The following PPP2R5B variants were observed in gnomAD, a reference collection of about 807,000 sequenced individuals.
PPP2R5B encodes serine/threonine-protein phosphatase 2A 56 kDa regulatory subunit beta isoform.
PPP2R5B carries 19 observed loss-of-function variants against 59.9 expected under a neutral mutation model. The ratio of observed to expected loss-of-function variants is 0.32; its 90% CI spans 0.22 to 0.47. The LOEUF (loss-of-function observed/expected upper bound fraction) is 0.47. PPP2R5B is among the 20% of genes least tolerant of loss of function. The pLI is 1.00. For synonymous variants in PPP2R5B, 286 were observed against 260.5 expected (o/e 1.10, Z -0.94); for missense variants, 441 against 640.2 (o/e 0.69, Z 3.36).
At chr11:64,921,208 T>G (rs934229126), upstream of PPP2R5B, among the ~76,000 whole-genome samples, 3 of 151,324 alleles carry the variant, frequency 2.0e-5, no homozygotes, top group African/African-American at 7.3e-5. Context: ...CACCTGCCTC[T>G]GCCTCCCAAA....
chr11:64,933,355 C>T, intron 13 of PPP2R5B, 109 bp downstream of exon 13: 1 of 928,052 alleles, frequency 1.1e-6, no homozygotes, highest in Admixed American at 2.0e-5. Flanking sequence ...TGATCAGATG[C>T]TGCAAGACTG....
In PPP2R5B at chr11:64,919,518, C is replaced by T. The variant is rs1157836247; in HGVS notation, c.-265+1878C>T. Among the ~76,000 whole-genome samples the T allele has an allele frequency of 5.3e-5, 8 of 151,696 alleles. 1 individual carries two copies. In the South Asian group the frequency reaches 6.3e-4, roughly 12 times the overall value. On this transcript the variant is annotated intron_variant, in intron 1 of 4. Transcript: ENST00000526559. ...CTTTGGGAGGCTGAGGCAGAAGGAT[C>T]GCTTGAGCCCAGGAGTTTGAGACCA...
chr11:64,926,303 TG>T (rs1035909392), intron 2 of PPP2R5B, among the ~76,000 whole-genome samples: 10 of 152,198 alleles, frequency 6.6e-5, no homozygotes, highest in African/African-American at 2.4e-4. Flanking sequence ...TCCCCAGCCT[TG>T]GGCCATAGGG....
At chr11:64,932,685 G>A in intron 11 of PPP2R5B, 80 bp from the exon 12 acceptor site, 4 of 1,546,934 alleles carry the variant, frequency 2.6e-6, no homozygotes. Flanking sequence ...CCTGGGCGTT[G>A]AGGTAGTGAT....
At chr11:64,923,310 C>A (rs572646006), upstream of PPP2R5B, among the ~76,000 whole-genome samples, 84 of 152,326 alleles carry the variant, frequency 5.5e-4, no homozygotes, top group Non-Finnish European at 1.1e-3. Flanking sequence ...CCTCTCTAGG[C>A]CTTGGGGTCC....
At chr11:64,928,522 A>G in intron 6 of PPP2R5B, 97 bp downstream of exon 6, 7 of 1,555,524 alleles carry the variant, frequency 4.5e-6, no homozygotes, top group Non-Finnish European at 6.1e-6. Flanking sequence ...CACACCTGTA[A>G]TCCCAGCACT....
chr11:64,932,669 A>G lies in PPP2R5B; in HGVS notation c.1117-96A>G. ...CCTGAAGGTGGGGTGTGTGAAGGTCAGGGGGCCTGGGCGTTGAGGTAGTGA... is the reference window on the plus strand; with the variant it reads ...CCTGAAGGTGGGGTGTGTGAAGGTCGGGGGGCCTGGGCGTTGAGGTAGTGA... On this transcript the variant is annotated intron_variant, in intron 11 of 13. Coordinates refer to ENST00000164133, the MANE Select transcript of PPP2R5B (RefSeq NM_006244.4). 2.7e-6 allele frequency: 4 copies of G among 1,488,332 alleles called. No homozygotes were observed. In the South Asian group the frequency reaches 5.1e-5, roughly 19 times the overall value. The allele number at this position is 1,488,332 out of a possible 1,614,324, so 92.2% of individuals were successfully genotyped here. A position where few individuals can be genotyped will look rare whatever the true frequency, so the allele number is the denominator to read the frequency against.
rs1238718237 is a variant in PPP2R5B, at chr11:64,925,235, C to T, written c.-265+207C>T. Among the ~76,000 whole-genome samples, 1 of 151,982 alleles carries T rather than the reference C, an allele frequency of 6.6e-6. No homozygotes were observed. The highest frequency in any genetic ancestry group is 1.5e-5 in the Non-Finnish European group (1 of 67,966). On this transcript the variant is annotated intron_variant, in intron 1 of 13. Coordinates refer to ENST00000164133, the MANE Select transcript of PPP2R5B (RefSeq NM_006244.4). The surrounding 1 kb of genome is among the most constrained non-coding windows in gnomAD (Gnocchi z 4.6). Reference sequence around the variant, plus strand: ...ATCGGGGCTCCATTCTGAGTCGGGGCTGGCTTGGGGGATAGGCCCTATTCT... The same window carrying T: ...ATCGGGGCTCCATTCTGAGTCGGGGTTGGCTTGGGGGATAGGCCCTATTCT...
chr11:64,933,165 A>G lies in PPP2R5B; in HGVS notation c.1265A>G (p.Tyr422Cys), dbSNP rs751918657. The G allele has an allele frequency of 5.6e-6, 9 of 1,612,500 alleles. No homozygotes were observed. The highest frequency in any genetic ancestry group is 7.6e-6 in the Non-Finnish European group (9 of 1,178,796). Reference sequence around the variant, plus strand: ...CCAAGAACCATCGTATCACTGATCTACAATGTGCTCAAGACCTTCATGGAG... The same window carrying G: ...CCAAGAACCATCGTATCACTGATCTGCAATGTGCTCAAGACCTTCATGGAG... ...HWNQTIVSLI[Y>C]NVLKTFMEMN... The change falls in exon 13 of 14, where the codon TAC becomes TGC. Residue 422 changes from tyrosine (Y) to cysteine (C), a missense_variant. Transcript: ENST00000164133.
At position 64,931,768 on chromosome 11, in the gene PPP2R5B, T is replaced by C; in HGVS notation, c.1016T>C (p.Met339Thr). 1 of 1,614,074 alleles carries C rather than the reference T, an allele frequency of 6.2e-7. No homozygotes were observed. The highest frequency in any genetic ancestry group is 8.5e-7 in the Non-Finnish European group (1 of 1,180,006). ...ACCCAGGTGATGTTTCTGGGGGAGA[T>C]GGAAGAGATTCTTGATGTCATCGAG... ...TQKEVMFLGE[M>T]EEILDVIEPS... The change falls in exon 11 of 14, where the codon ATG becomes ACG. Residue 339 changes from methionine (M) to threonine (T), a missense_variant. Physicochemically the swap from Met to Thr is moderately conservative, Grantham distance 81 (BLOSUM62 -1). Coordinates refer to ENST00000164133, the MANE Select transcript of PPP2R5B (RefSeq NM_006244.4). The surrounding 1 kb of genome is among the most constrained non-coding windows in gnomAD (Gnocchi z 5.0).
rs748256155 is a variant in PPP2R5B, at chr11:64,930,302, C to T, written c.723-20C>T. 6.2e-6 allele frequency: 10 copies of T among 1,613,722 alleles called. No homozygotes were observed. Among genetic ancestry groups the T allele is most frequent in the African/African-American group, 1.3e-5 (1 of 74,900 alleles). ...GCCTACCCTGCTTGCTTTGAGCCCA[C>T]CTGCGTTCTTCTCTTGCAGGTTCAT... On this transcript the variant is annotated intron_variant, in intron 6 of 13. Transcript: ENST00000164133.
upstream of PPP2R5B, among the ~76,000 whole-genome samples, chr11:64,920,705 C>A (rs888447700): frequency 6.7e-6 from 1 of 148,600 alleles, no homozygotes; most frequent in Non-Finnish European, 1.5e-5. Flanking sequence ...TCTCAGCTTG[C>A]TGCAACTTCT....
Position 64,930,319 on chromosome 11 carries a change from C to A in PPP2R5B, c.723-3C>A. On this transcript the variant is annotated splice_polypyrimidine_tract_variant and splice_region_variant and intron_variant, in intron 6 of 13. Coordinates refer to ENST00000164133, the MANE Select transcript of PPP2R5B (RefSeq NM_006244.4). ...TGAGCCCACCTGCGTTCTTCTCTTGCAGGTTCATCTATGAATTCGAGCACT... is the reference window on the plus strand; with the variant it reads ...TGAGCCCACCTGCGTTCTTCTCTTGAAGGTTCATCTATGAATTCGAGCACT... 6.2e-7 allele frequency: 1 copy of A among 1,614,016 alleles called. No homozygotes were observed. Among genetic ancestry groups the A allele is most frequent in the South Asian group, 1.1e-5 (1 of 91,080 alleles).
In PPP2R5B at chr11:64,926,868, G is replaced by T; in HGVS notation, c.356G>T (p.Gly119Val). Residue 119 changes from glycine to valine, a missense_variant, in exon 3 of 14, where the codon GGT (glycine) becomes GTT (valine). Transcript: ENST00000164133. Reference sequence around the variant, plus strand: ...GTGGAGTGTGTGGGGAGCACCCGGGGTGTCCTCATCGAGCCCGTCTACCCA... The same window carrying T: ...GTGGAGTGTGTGGGGAGCACCCGGGTTGTCCTCATCGAGCCCGTCTACCCA... ...ELVECVGSTR[G>V]VLIEPVYPDI... 6.2e-7 allele frequency: 1 copy of T among 1,614,186 alleles called. No homozygotes were observed. The highest frequency in any genetic ancestry group is 8.5e-7 in the Non-Finnish European group (1 of 1,180,026).
intron 2 of PPP2R5B, 140 bp downstream of exon 2, chr11:64,926,073 C>T (rs1945160984): frequency 1.2e-6 from 1 of 861,478 alleles, no homozygotes; most frequent in Non-Finnish European, 1.8e-6. Flanking sequence ...GCCATCAGAA[C>T]TGACCCCAGC....
upstream of PPP2R5B, among the ~76,000 whole-genome samples, chr11:64,921,310 T>G (rs1365593420): frequency 8.5e-6 from 1 of 117,758 alleles, no homozygotes; most frequent in African/African-American, 3.1e-5. Flanking sequence ...TTTAGGGGCT[T>G]CTTCTACTGG....
At chr11:64,930,880 AT>A (rs1426356163) in intron 8 of PPP2R5B, among the ~76,000 whole-genome samples, 23 of 148,010 alleles carry the variant, frequency 1.6e-4, no homozygotes, top group South Asian at 1.1e-3. Context: ...TTGATACACA[AT>A]TTTTTTTTTT....
In PPP2R5B at chr11:64,934,293, C is replaced by T; in HGVS notation, c.*449C>T. The T allele has an allele frequency of 4.0e-6, 1 of 252,170 alleles. No individual in the cohort carries two copies. The highest frequency in any genetic ancestry group is 7.6e-6 in the Non-Finnish European group (1 of 130,732). 15.6% of individuals were successfully genotyped at this position (252,170 alleles called of 1,614,324 possible). ...CTCTACACAGACACTGTCCTGGGTGCACACTCCTCCCTTCCCTCGCTGTGT... is the reference window on the plus strand; with the variant it reads ...CTCTACACAGACACTGTCCTGGGTGTACACTCCTCCCTTCCCTCGCTGTGT... On this transcript the variant is annotated 3_prime_UTR_variant, in exon 14 of 14. Coordinates refer to ENST00000164133, the MANE Select transcript of PPP2R5B (RefSeq NM_006244.4).
At chr11:64,923,505 GTGCCGGAGTCC>G (rs2136675206), upstream of PPP2R5B, among the ~76,000 whole-genome samples, 1 of 152,336 alleles carries the variant, frequency 6.6e-6, no homozygotes, top group South Asian at 2.1e-4. Context: ...TGGGTCTCCA[GTGCCGGAGTCC>G]TGGACCCCAG....
Sources: allele counts gnomAD v4.1 joint callset (sites outside exome capture counted in the v4.1 genomes callset), GRCh38; gene constraint gnomAD v4.1.1; non-coding constraint Gnocchi (gnomAD v3.1); transcripts MANE v1.5; gene names NCBI Gene and HGNC (gene_info 2026-07-23, HGNC 2026-07-21).